ANKHD1: variants seen among roughly 807,000 people sequenced by gnomAD.
The protein encoded by ANKHD1 is ankyrin repeat and KH domain-containing protein 1.
A neutral mutation model predicts 230.5 loss-of-function variants in ANKHD1; 31 were observed. The observed-to-expected ratio is 0.13, with a 90% CI of 0.10 to 0.18. The LOEUF is 0.18. Among genes scored for constraint, ANKHD1 ranks in the 10% least tolerant of loss-of-function variants. The pLI is 1.00. For synonymous variants in ANKHD1, 1,074 were observed against 1,117.6 expected (o/e 0.96, Z 0.78); for missense variants, 2,256 against 3,071.3 (o/e 0.73, Z 6.27).
chr5:140,496,387 T>A, intron 14 of ANKHD1, 133 bp from the exon 15 acceptor site: 1 of 892,642 alleles, frequency 1.1e-6, no homozygotes, highest in Non-Finnish European at 1.6e-6. Context: ...TCTATAACAT[T>A]AGTTATAAGG....
chr5:140,428,969 A>G (rs1340927396), intron 1 of ANKHD1, among the ~76,000 whole-genome samples: 1 of 151,450 alleles, frequency 6.6e-6, no homozygotes, highest in Non-Finnish European at 1.5e-5. Flanking sequence ...TATTTTTAGT[A>G]GAGACAGGGT....
chr5:140,439,478 T>A (rs1429458866), intron 3 of ANKHD1, among the ~76,000 whole-genome samples: 1 of 152,132 alleles, frequency 6.6e-6, no homozygotes, highest in African/African-American at 2.4e-5. Context: ...AAGACCAGCC[T>A]GGACAACATG....
chr5:140,403,336 G>A (rs1282532124), intron 1 of ANKHD1, among the ~76,000 whole-genome samples: 1 of 152,058 alleles, frequency 6.6e-6, no homozygotes, highest in Non-Finnish European at 1.5e-5. Flanking sequence ...GTACTCTAAT[G>A]TGTACACATT....
intron 1 of ANKHD1, among the ~76,000 whole-genome samples, chr5:140,424,832 A>G (rs897514396): frequency 6.6e-6 from 1 of 152,246 alleles, no homozygotes; most frequent in Admixed American, 6.5e-5. Flanking sequence ...GATTCACTTC[A>G]TCCACTTTGG....
At chr5:140,472,346 G>A in intron 10 of ANKHD1, 1 of 1,603,528 alleles carries the variant, frequency 6.2e-7, no homozygotes, top group Non-Finnish European at 8.5e-7. Flanking sequence ...AATAGATGTT[G>A]TAGGTAACCA....
At chr5:140,531,670 T>C (rs1290575193) in intron 29 of ANKHD1, among the ~76,000 whole-genome samples, 1 of 152,104 alleles carries the variant, frequency 6.6e-6, no homozygotes, top group African/African-American at 2.4e-5. Context: ...TGTAAAATGG[T>C]ACATCTGCTT....
chr5:140,519,275 AAG>A (rs1470295124), intron 24 of ANKHD1, among the ~76,000 whole-genome samples: 1 of 152,202 alleles, frequency 6.6e-6, no homozygotes, highest in Non-Finnish European at 1.5e-5. Context: ...AGTGAAATAA[AAG>A]AGGATACAAA....
At chr5:140,519,034 A>T (rs958142363) in intron 24 of ANKHD1, among the ~76,000 whole-genome samples, 1 of 151,992 alleles carries the variant, frequency 6.6e-6, no homozygotes, top group Non-Finnish European at 1.5e-5. Context: ...TATCTAGAAA[A>T]CCCCATTGTC....
At chr5:140,457,851 A>G (rs914236252) in intron 7 of ANKHD1, among the ~76,000 whole-genome samples, 1 of 144,788 alleles carries the variant, frequency 6.9e-6, no homozygotes, top group Non-Finnish European at 1.5e-5. Flanking sequence ...CTTAAAGTAT[A>G]AAAAAAAAAA....
chr5:140,429,618 A>G lies in ANKHD1; in HGVS notation c.307-6486A>G, dbSNP rs1446862917. Among the ~76,000 whole-genome samples the G allele has an allele frequency of 2.6e-5, 4 of 152,338 alleles. No individual in the cohort carries two copies. The Middle Eastern group carries it at 0.01, about 389-fold the overall frequency. ...GTATGACCACAGGACTAGAGAATAC[A>G]TAAACAAATATATGTAATGTACATG... On this transcript the variant is annotated intron_variant, in intron 1 of 33. Transcript: ENST00000360839.
At chr5:140,465,187 C>T (rs1335137394) in intron 10 of ANKHD1, 1 of 153,152 alleles carries the variant, frequency 6.5e-6, no homozygotes, top group African/African-American at 2.4e-5. Flanking sequence ...AGTGATATTT[C>T]AATACATGTA....
intron 1 of ANKHD1, among the ~76,000 whole-genome samples, chr5:140,409,664 T>A (rs958488094): frequency 6.6e-6 from 1 of 151,908 alleles, no homozygotes; most frequent in African/African-American, 2.4e-5. Flanking sequence ...GTGATTCTCC[T>A]GCCTCAGCCT....
intron 24 of ANKHD1, among the ~76,000 whole-genome samples, chr5:140,515,709 AC>A (rs1270068859): frequency 5.3e-5 from 8 of 152,340 alleles, no homozygotes; most frequent in African/African-American, 1.9e-4. Flanking sequence ...ACGGCCGGGT[AC>A]TTCAACAGAC....
At chr5:140,500,911 T>C (rs1344524368) in intron 15 of ANKHD1, among the ~76,000 whole-genome samples, 1 of 152,028 alleles carries the variant, frequency 6.6e-6, no homozygotes, top group African/African-American at 2.4e-5. Flanking sequence ...GACTTTTTAC[T>C]ATGTTGTTAC....
Position 140,485,385 on chromosome 5 carries a change from C to T in ANKHD1, c.1998+137C>T. ...TAGTCTAGGCAACATAAGGAGACCC[C>T]ATCTCTATTAAAACACACACACACA... On this transcript the variant is annotated intron_variant, in intron 12 of 33. Coordinates refer to ENST00000360839, the MANE Select transcript of ANKHD1 (RefSeq NM_017747.3). This position sits in a 1 kb window ranked among gnomAD's most constrained non-coding sequence, Gnocchi z 4.8. The T allele has an allele frequency of 8.6e-7, 1 of 1,163,356 alleles. No individual in the cohort carries two copies. Among genetic ancestry groups the T allele is most frequent in the African/African-American group, 1.6e-5 (1 of 62,374 alleles). The allele number at this position is 1,163,356 out of a possible 1,614,324, so 72.1% of individuals were successfully genotyped here. A position where few individuals can be genotyped will look rare whatever the true frequency, so the allele number is the denominator to read the frequency against.
rs1336208830 is a variant in ANKHD1 at position 140,526,982 on chromosome 5, A to G, written c.4995A>G (p.Ser1665=). ...TGTCAACCAGCTACAAGACAGTGTC[A>G]TTGCCATTAAGCTCTCCAAACATAA... ...NSLSTSYKTV[S]LPLSSPNIKL... is the part of the protein sequence containing the mutation. Residue 1665 remains serine (S), a synonymous_variant, in exon 27 of 34, where the codon TCA becomes TCG. Transcript: ENST00000360839. 9 of 1,613,724 alleles carry G rather than the reference A, an allele frequency of 5.6e-6. No homozygotes were observed. The highest frequency in any genetic ancestry group is 7.6e-6 in the Non-Finnish European group (9 of 1,179,882).
At position 140,509,723 on chromosome 5, in the gene ANKHD1, T is replaced by G; in HGVS notation, c.3852T>G (p.Asn1284Lys). The G allele has an allele frequency of 6.2e-7, 1 of 1,613,434 alleles. No homozygotes were observed. The highest frequency in any genetic ancestry group is 8.5e-7 in the Non-Finnish European group (1 of 1,179,854). ...TTCTTGATAAAGGAGCAGATGTTAA[T>G]GCTCCCCCTGTGCCTTCCTCAAGAG... ...RVLLDKGADV[N>K]APPVPSSRDT... Residue 1284 changes from asparagine (N) to lysine (K), a missense_variant, in exon 21 of 34, where the codon AAT becomes AAG. Asn to Lys is a moderately conservative substitution (Grantham distance 94, BLOSUM62 0). Coordinates refer to ENST00000360839, the MANE Select transcript of ANKHD1 (RefSeq NM_017747.3).
chr5:140,419,816 T>C (rs977441684), intron 1 of ANKHD1, among the ~76,000 whole-genome samples: 1 of 142,342 alleles, frequency 7.0e-6, no homozygotes, highest in Admixed American at 7.0e-5. Context: ...CTTTCTTTCT[T>C]TCTTTCTTTC....
In ANKHD1 at chr5:140,506,002, C is replaced by T; in HGVS notation, c.3408+133C>T. 7.1e-7 allele frequency: 1 copy of T among 1,403,480 alleles called. No individual in the cohort carries two copies. Among genetic ancestry groups the T allele is most frequent in the South Asian group, 1.4e-5 (1 of 70,080 alleles). The allele number at this position is 1,403,480 out of a possible 1,614,324, so 86.9% of individuals were successfully genotyped here. A position where few individuals can be genotyped will look rare whatever the true frequency, so the allele number is the denominator to read the frequency against. On this transcript the variant is annotated intron_variant, in intron 18 of 33. Coordinates refer to ENST00000360839, the MANE Select transcript of ANKHD1 (RefSeq NM_017747.3). This position sits in a 1 kb window ranked among gnomAD's most constrained non-coding sequence, Gnocchi z 4.7. ...TTTGTTTTTCTGAGGCAGGGTCTTG[C>T]TCTGTCTCCCAGGCTAGAGTACAGT...
Sources: allele counts gnomAD v4.1 joint callset (sites outside exome capture counted in the v4.1 genomes callset), GRCh38; gene constraint gnomAD v4.1.1; non-coding constraint Gnocchi (gnomAD v3.1); transcripts MANE v1.5; gene names NCBI Gene and HGNC (gene_info 2026-07-23, HGNC 2026-07-21).